Variants in PRXL2A observed in about 807,000 individuals in gnomAD.
The protein encoded by PRXL2A is peroxiredoxin like 2A, also known as peroxiredoxin-like 2A.
In PRXL2A, 26 loss-of-function variants were observed where a neutral mutation model predicts 25.6. The ratio of observed to expected loss-of-function variants is 1.02; its 90% confidence interval spans 0.74 to 1.41. PRXL2A has a LOEUF of 1.41. Among genes scored for constraint, PRXL2A ranks in the 40% most tolerant of loss-of-function variants. The probability of loss-of-function intolerance (pLI) is 0.00; values close to 1 mark genes in which losing one functional copy is unlikely to be tolerated. For missense variants in PRXL2A, 246 were observed against 273.9 expected (o/e 0.90, Z 0.72); for synonymous variants, 98 against 102.9 (o/e 0.95, Z 0.29).
intron 1 of PRXL2A, among the ~76,000 whole-genome samples, chr10:80,418,305 T>C (rs539147129): frequency 6.6e-6 from 1 of 152,320 alleles, no homozygotes; most frequent in East Asian, 1.9e-4. Flanking sequence ...TCACTTAGGA[T>C]GATGGTCTCC....
intron 1 of PRXL2A, among the ~76,000 whole-genome samples, chr10:80,411,041 G>A (rs1844462791): frequency 6.6e-6 from 1 of 152,234 alleles, no homozygotes; most frequent in Non-Finnish European, 1.5e-5. Context: ...ACACCCCAAG[G>A]AGCAGGGCTG....
rs1247731196 is a variant in PRXL2A at position 80,433,398 on chromosome 10, C to T, written c.*1299C>T. ...GCCACAGGGAGTCTACTCAAGGCAT[C>T]AAACTGGCCCAGGAGTAGAAAGGTG... On this transcript the variant is annotated 3_prime_UTR_variant, in exon 6 of 6. Coordinates refer to ENST00000606162, the MANE Select transcript of PRXL2A (RefSeq NM_032333.5). 3 of 152,248 alleles carry T rather than the reference C, an allele frequency of 2.0e-5. No individual in the cohort carries two copies. The highest frequency in any genetic ancestry group is 7.2e-5 in the African/African-American group (3 of 41,438). 9.4% of individuals were successfully genotyped at this position (152,248 alleles called of 1,614,324 possible). A position where few individuals can be genotyped will look rare whatever the true frequency, so the allele number is the denominator to read the frequency against.
chr10:80,424,114 C>T (rs954355994), intron 3 of PRXL2A, among the ~76,000 whole-genome samples: 2 of 152,094 alleles, frequency 1.3e-5, no homozygotes, highest in Non-Finnish European at 2.9e-5. Flanking sequence ...GGTCTGTGCC[C>T]ACATAGAACA....
chr10:80,431,141 G>T (rs1026120106), intron 5 of PRXL2A, among the ~76,000 whole-genome samples: 1 of 152,004 alleles, frequency 6.6e-6, no homozygotes, highest in Admixed American at 6.6e-5. Context: ...CAAGTGATCC[G>T]CCCACCTCAG....
intron 1 of PRXL2A, chr10:80,409,218 T>TAG (rs1407144384): frequency 3.6e-6 from 1 of 274,174 alleles, no homozygotes; most frequent in Non-Finnish European, 5.6e-6. Flanking sequence ...TTAAATTGGG[T>TAG]AGAGCCCAGT....
chr10:80,421,187 C>T (rs1035238844), intron 2 of PRXL2A, among the ~76,000 whole-genome samples: 5 of 152,164 alleles, frequency 3.3e-5, no homozygotes, highest in African/African-American at 9.7e-5. Context: ...GCCAGCCCCT[C>T]CCTGTGAAGA....
Position 80,436,052 on chromosome 10 carries a change from G to T in PRXL2A, c.*3953G>T, listed in dbSNP as rs1589219042. ...CACAGTAGAATCACCTGGTGCGGGG[G>T]TTGGGGGCGGGGTGCAGTGTAAAAA... On this transcript the variant is annotated 3_prime_UTR_variant, in exon 6 of 6. Transcript: ENST00000606162. 2 of 151,884 alleles carry T rather than the reference G, an allele frequency of 1.3e-5. No homozygotes were observed. Among genetic ancestry groups the T allele is most frequent in the Admixed American group, 6.6e-5 (1 of 15,232 alleles). 9.4% of individuals were successfully genotyped at this position (151,884 alleles called of 1,614,324 possible).
chr10:80,431,895 A>C, intron 5 of PRXL2A, 91 bp from the exon 6 acceptor site: 1 of 925,872 alleles, frequency 1.1e-6, no homozygotes, highest in Non-Finnish European at 1.7e-6. Flanking sequence ...CTATTCAAGC[A>C]AAAGGCTTGA....
intron 1 of PRXL2A, among the ~76,000 whole-genome samples, chr10:80,414,534 T>G (rs960972749): frequency 1.3e-5 from 2 of 152,198 alleles, no homozygotes; most frequent in African/African-American, 4.8e-5. Flanking sequence ...GGAATCATAC[T>G]CCTGGATCTC....
intron 1 of PRXL2A, chr10:80,420,245 G>A: frequency 1.6e-6 from 2 of 1,233,908 alleles, no homozygotes; most frequent in African/African-American, 1.5e-5. Context: ...ATGCCCTGGT[G>A]AGCTCCACGG....
intron 1 of PRXL2A, among the ~76,000 whole-genome samples, chr10:80,414,897 T>A (rs1844605714): frequency 6.6e-6 from 1 of 152,250 alleles, no homozygotes; most frequent in Non-Finnish European, 1.5e-5. Flanking sequence ...AAATGCATCA[T>A]TTCTGTTTAG....
At chr10:80,418,698 C>G (rs187045753) in intron 1 of PRXL2A, among the ~76,000 whole-genome samples, 1 of 152,150 alleles carries the variant, frequency 6.6e-6, no homozygotes, top group South Asian at 2.1e-4. Context: ...GAAGAAGGCA[C>G]CAGTGTATGC....
rs535194435 is a variant in PRXL2A, at chr10:80,414,344, C to A, written c.-3+5701C>A. On this transcript the variant is annotated intron_variant, in intron 1 of 5. Transcript: ENST00000606162. ...TGGGGGCTGGCTCTTCTGTAAACAA[C>A]CCTACTATTCTGTTTCAGAGAAACT... is the stretch of plus-strand genomic sequence containing the variant. 2.0e-5 allele frequency among the ~76,000 whole-genome samples: 3 copies of A among 152,154 alleles called. No individual in the cohort carries two copies. In the South Asian group the frequency reaches 6.2e-4, roughly 32 times the overall value.
rs1277640585 is a variant in PRXL2A at position 80,435,743 on chromosome 10, C to G, written c.*3644C>G. On this transcript the variant is annotated 3_prime_UTR_variant, in exon 6 of 6. Transcript: ENST00000606162. ...TAGATTACAGGTGTAAGCCACCACA[C>G]GTGGCCAGCCTCTGCATTTCTAACA... The G allele has an allele frequency of 1.3e-5, 2 of 152,208 alleles. No individual in the cohort carries two copies. The highest frequency in any genetic ancestry group is 4.8e-5 in the African/African-American group (2 of 41,432). The allele number at this position is 152,208 out of a possible 1,614,324, so 9.4% of individuals were successfully genotyped here.
chr10:80,415,112 C>CT (rs961730380), intron 1 of PRXL2A, among the ~76,000 whole-genome samples: 3 of 152,154 alleles, frequency 2.0e-5, no homozygotes, highest in African/African-American at 7.2e-5. Context: ...ATTTTCTGTG[C>CT]TTCTCTCTGG....
chr10:80,435,838 A>G lies in PRXL2A; in HGVS notation c.*3739A>G, dbSNP rs1845388704. The G allele has an allele frequency of 1.3e-5, 2 of 152,244 alleles. No individual in the cohort carries two copies. The highest frequency in any genetic ancestry group is 4.8e-5 in the African/African-American group (2 of 41,472). The allele number at this position is 152,244 out of a possible 1,614,324, so 9.4% of individuals were successfully genotyped here. On this transcript the variant is annotated 3_prime_UTR_variant, in exon 6 of 6. Coordinates refer to ENST00000606162, the MANE Select transcript of PRXL2A (RefSeq NM_032333.5). ...TTGAGAAGCATGGTTCTAAAGGACT[A>G]TACAGATTAAAGTCATTAATCTCTG...
intron 1 of PRXL2A, chr10:80,413,746 C>A: frequency 1.4e-6 from 1 of 726,756 alleles, no homozygotes; most frequent in Non-Finnish European, 1.7e-6. Flanking sequence ...CCTGGTCCTG[C>A]CTATGGAGTG....
At chr10:80,415,473 T>C (rs1844627643) in intron 1 of PRXL2A, among the ~76,000 whole-genome samples, 2 of 152,324 alleles carry the variant, frequency 1.3e-5, no homozygotes, top group East Asian at 3.9e-4. Flanking sequence ...CATCCCAGCC[T>C]AGCCTGTCCA....
chr10:80,418,200 CTG>C (rs1844737486), intron 1 of PRXL2A, among the ~76,000 whole-genome samples: 1 of 151,780 alleles, frequency 6.6e-6, no homozygotes, highest in African/African-American at 2.4e-5. Context: ...TCCCCAGTGT[CTG>C]TTATTTCTGT....
Sources: gnomAD v4.1 joint callset for allele counts (sites outside exome capture counted in the v4.1 genomes callset) on GRCh38, gnomAD v4.1.1 for gene constraint, MANE v1.5 for transcripts, NCBI Gene and HGNC (gene_info 2026-07-23, HGNC 2026-07-21) for gene names.